Variants in CAMTA1 observed in about 807,000 individuals in gnomAD.
CAMTA1 encodes the protein calmodulin binding transcription activator 1.
CAMTA1 carries 27 observed loss-of-function variants against 170.9 expected under a neutral mutation model. The observed-to-expected ratio is 0.16, with a 90% confidence interval of 0.12 to 0.22. The LOEUF (loss-of-function observed/expected upper bound fraction) is 0.22. Among genes scored for constraint, CAMTA1 ranks in the 10% least tolerant of loss-of-function variants. CAMTA1 has a pLI of 1.00. For missense variants in CAMTA1, 1,619 were observed against 2,217.2 expected (o/e 0.73, Z 5.42); for synonymous variants, 833 against 891.5 (o/e 0.93, Z 1.17).
At chr1:7,385,128 C>T (rs1244356232) in intron 5 of CAMTA1, among the ~76,000 whole-genome samples, 1 of 146,594 alleles carries the variant, frequency 6.8e-6, no homozygotes, top group Non-Finnish European at 1.5e-5. Context: ...CTCGCTCTGT[C>T]ACCCAGGCTA....
intron 1 of CAMTA1, among the ~76,000 whole-genome samples, chr1:6,804,853 C>A (rs1490159761): frequency 1.3e-5 from 2 of 152,176 alleles, no homozygotes; most frequent in Non-Finnish European, 2.9e-5. Context: ...CTACACCTGG[C>A]CACTTCACTC....
chr1:6,857,192 C>T (rs565437550), intron 3 of CAMTA1, among the ~76,000 whole-genome samples: 6 of 152,206 alleles, frequency 3.9e-5, no homozygotes, highest in African/African-American at 9.6e-5. Context: ...GTGGAGGTGG[C>T]GCCAAGGCCC....
At position 7,547,655 on chromosome 1, in the gene CAMTA1, A is replaced by G. The variant is rs529971320; in HGVS notation, c.510+79754A>G. On this transcript the variant is annotated intron_variant, in intron 6 of 22. Coordinates refer to ENST00000303635, the MANE Select transcript of CAMTA1 (RefSeq NM_015215.4). This position sits in a 1 kb window ranked among gnomAD's most constrained non-coding sequence, Gnocchi z 5.7. ...CCAGGACAGCTTTGAATGTGGCCCAACACAAATTCATAAACTTTCCTAAAA... is the reference window on the plus strand; with the variant it reads ...CCAGGACAGCTTTGAATGTGGCCCAGCACAAATTCATAAACTTTCCTAAAA... 4.6e-5 allele frequency among the ~76,000 whole-genome samples: 7 copies of G among 152,068 alleles called. No individual in the cohort carries two copies. The highest frequency in any genetic ancestry group is 1.5e-4 in the African/African-American group (6 of 41,374).
At chr1:7,222,930 G>T (rs1661056067) in intron 4 of CAMTA1, among the ~76,000 whole-genome samples, 1 of 152,248 alleles carries the variant, frequency 6.6e-6, no homozygotes. Context: ...TGCTCATGAG[G>T]TGCCCGGCAC....
At chr1:7,102,882 C>A (rs1478149174) in intron 4 of CAMTA1, among the ~76,000 whole-genome samples, 1 of 152,168 alleles carries the variant, frequency 6.6e-6, no homozygotes, top group Non-Finnish European at 1.5e-5. Context: ...CTGTCACCTT[C>A]TTTAGTTGTT....
intron 6 of CAMTA1, among the ~76,000 whole-genome samples, chr1:7,573,663 C>G (rs2150348929): frequency 6.6e-6 from 1 of 152,356 alleles, no homozygotes; most frequent in East Asian, 1.9e-4. Context: ...TGATCTCGGC[C>G]TGTGTCTTTG....
intron 3 of CAMTA1, among the ~76,000 whole-genome samples, chr1:7,073,359 C>G (rs1638891122): frequency 6.6e-6 from 1 of 152,004 alleles, no homozygotes; most frequent in African/African-American, 2.4e-5. Context: ...GATATAGGAG[C>G]CTGGAGTTCA....
At chr1:6,966,574 T>C (rs961795307) in intron 3 of CAMTA1, among the ~76,000 whole-genome samples, 1 of 151,758 alleles carries the variant, frequency 6.6e-6, no homozygotes. Flanking sequence ...TCTATTTATG[T>C]ATTCATCAGC....
At chr1:7,409,991 C>T (rs1301559748) in intron 5 of CAMTA1, among the ~76,000 whole-genome samples, 5 of 152,142 alleles carry the variant, frequency 3.3e-5, no homozygotes, top group Non-Finnish European at 7.4e-5. Flanking sequence ...TCAGCTGTTG[C>T]TTTCTGCCAC....
rs1217528872 is a variant in CAMTA1 at position 7,463,448 on chromosome 1, A to C, written c.439-4382A>C. On this transcript the variant is annotated intron_variant, in intron 5 of 22. Transcript: ENST00000303635. The surrounding 1 kb of genome is among the most constrained non-coding windows in gnomAD (Gnocchi z 4.7). ...AGACGGGGAGAGACAGATGGGGGAA[A>C]TGGGAGAGAGACAGAGAGAGGACAA... Among the ~76,000 whole-genome samples, 4 of 151,700 alleles carry C rather than the reference A, an allele frequency of 2.6e-5. No individual in the cohort carries two copies. The highest frequency in any genetic ancestry group is 9.7e-5 in the African/African-American group (4 of 41,278).
At chr1:6,999,286 G>A (rs992315834) in intron 3 of CAMTA1, among the ~76,000 whole-genome samples, 2 of 152,158 alleles carry the variant, frequency 1.3e-5, no homozygotes, top group Non-Finnish European at 2.9e-5. Context: ...CCTGAGACTG[G>A]GTAATTTATA....
At chr1:6,980,618 A>G (rs1694276136) in intron 3 of CAMTA1, among the ~76,000 whole-genome samples, 1 of 152,094 alleles carries the variant, frequency 6.6e-6, no homozygotes, top group Admixed American at 6.5e-5. Flanking sequence ...GTAGGAGGTA[A>G]TCAAGTCATG....
chr1:7,468,515 C>T (rs76950860), intron 6 of CAMTA1, among the ~76,000 whole-genome samples: 5,471 of 152,290 alleles, frequency 0.036, 286 homozygotes, highest in East Asian at 0.13. Flanking sequence ...TGGGTAGGTA[C>T]GGGAGGCCCA....
chr1:7,025,121 A>G (rs1353242687), intron 3 of CAMTA1, among the ~76,000 whole-genome samples: 3 of 152,026 alleles, frequency 2.0e-5, no homozygotes, highest in East Asian at 1.9e-4. Context: ...ACAAAACTGT[A>G]AAGCAAAGAT....
At chr1:7,470,080 CTCTTCA>C in intron 6 of CAMTA1, among the ~76,000 whole-genome samples, 1 of 152,362 alleles carries the variant, frequency 6.6e-6, no homozygotes, top group East Asian at 1.9e-4. Context: ...GAGCTGGGGC[CTCTTCA>C]TCTTCTCTGC....
In CAMTA1 at chr1:7,422,035, T is replaced by G. The variant is rs545978041; in HGVS notation, c.439-45795T>G. 3.3e-5 allele frequency among the ~76,000 whole-genome samples: 5 copies of G among 151,800 alleles called. No individual in the cohort carries two copies. In the South Asian group the frequency reaches 1.0e-3, roughly 32 times the overall value. On this transcript the variant is annotated intron_variant, in intron 5 of 22. Coordinates refer to ENST00000303635, the MANE Select transcript of CAMTA1 (RefSeq NM_015215.4). ...TCACCTCTTCCAGCTCCTGGAGATA[T>G]TTACAATCAGCCCAGGGAGAAAAGT...
Position 7,736,665 on chromosome 1 carries a change from G to T in CAMTA1, c.3263+125G>T. On this transcript the variant is annotated intron_variant, in intron 13 of 22. Coordinates refer to ENST00000303635, the MANE Select transcript of CAMTA1 (RefSeq NM_015215.4). This position sits in a 1 kb window ranked among gnomAD's most constrained non-coding sequence, Gnocchi z 4.5. ...CCACTTTATAGCCGGCGAGCAAAGG[G>T]CTTTGTCCTTGGACAGTTTCCAAGG... 2 of 951,714 alleles carry T rather than the reference G, an allele frequency of 2.1e-6. No individual in the cohort carries two copies. Among genetic ancestry groups the T allele is most frequent in the Non-Finnish European group, 3.2e-6 (2 of 617,646 alleles). The allele number at this position is 951,714 out of a possible 1,614,324, so 59.0% of individuals were successfully genotyped here.
intron 6 of CAMTA1, among the ~76,000 whole-genome samples, chr1:7,525,225 C>G (rs1358342323): frequency 6.6e-6 from 1 of 152,024 alleles, no homozygotes; most frequent in East Asian, 1.9e-4. Context: ...CCACTCTTCT[C>G]CGGGCCGCCC....
intron 11 of CAMTA1, among the ~76,000 whole-genome samples, chr1:7,729,139 CAG>C (rs1357315607): frequency 3.6e-5 from 5 of 139,118 alleles, no homozygotes; most frequent in African/African-American, 1.3e-4. Flanking sequence ...TTTTTTGAGA[CAG>C]AGTCTCACTC....
Sources: gnomAD v4.1 joint callset for allele counts (sites outside exome capture counted in the v4.1 genomes callset) on GRCh38, gnomAD v4.1.1 for gene constraint, Gnocchi (gnomAD v3.1) non-coding constraint, MANE v1.5 for transcripts, NCBI Gene and HGNC (gene_info 2026-07-23, HGNC 2026-07-21) for gene names.